DGKG: variants seen among roughly 807,000 people sequenced by gnomAD.
DGKG encodes the protein diacylglycerol kinase gamma.
A neutral mutation model predicts 105.3 loss-of-function variants in DGKG; 78 were observed. The observed-to-expected ratio is 0.74, with a 90% CI of 0.62 to 0.89. DGKG has a LOEUF of 0.89. Ranked by LOEUF, DGKG falls within the 40% of genes least tolerant of loss-of-function variation. The pLI is 0.00. For missense variants in DGKG, 958 were observed against 1,020.1 expected, an observed-to-expected ratio of 0.94 and a Z score of 0.83; for synonymous variants, 346 against 367.1, an observed-to-expected ratio of 0.94 and a Z score of 0.66.
intron 21 of DGKG, among the ~76,000 whole-genome samples, chr3:186,193,777 G>A (rs573660113): frequency 1.3e-5 from 2 of 152,314 alleles, no homozygotes; most frequent in South Asian, 4.1e-4. Flanking sequence ...GACGTCATCG[G>A]GCCCCCTCCC....
chr3:186,201,356 G>A (rs1392784109), intron 21 of DGKG, among the ~76,000 whole-genome samples: 2 of 152,046 alleles, frequency 1.3e-5, no homozygotes, highest in Non-Finnish European at 2.9e-5. Flanking sequence ...TCTGAGCCAT[G>A]AGAGAGGGCT....
At chr3:186,309,850 T>A (rs1223978935) in intron 2 of DGKG, among the ~76,000 whole-genome samples, 3 of 152,180 alleles carry the variant, frequency 2.0e-5, no homozygotes, top group Non-Finnish European at 4.4e-5. Flanking sequence ...TATTTAAATG[T>A]GTGATATATA....
At chr3:186,279,007 A>G (rs1223968431) in intron 9 of DGKG, 1 of 152,254 alleles carries the variant, frequency 6.6e-6, no homozygotes. Flanking sequence ...ATGAAGGTAT[A>G]TATAACAATC....
In DGKG at chr3:186,164,952, G is replaced by T; in HGVS notation, c.2162C>A (p.Thr721Asn). 6.2e-7 allele frequency: 1 copy of T among 1,613,944 alleles called. No homozygotes were observed. Residue 721 changes from threonine to asparagine, a missense_variant, in exon 23 of 25, where the codon ACC (threonine) becomes AAC (asparagine). Around this residue, in one of 2 missense-constraint regions of DGKG, gnomAD observed 315 missense variants for 400.6 expected, o/e 0.79. Transcript: ENST00000265022. ...EGAMEMGQIYTGLKSAGRRLA... is the reference protein window; with the variant it reads ...EGAMEMGQIYNGLKSAGRRLA... ...CCTCCTGCCTGCACTCTTCAGGCCG[G>T]TGTAGATCTGCCCCATCTCCATGGC...
chr3:186,288,418 G>A (rs573951892), intron 6 of DGKG, among the ~76,000 whole-genome samples: 67 of 152,220 alleles, frequency 4.4e-4, no homozygotes, highest in Non-Finnish European at 7.5e-4. Flanking sequence ...TGCCAGCAAA[G>A]CAAGGAAGTC....
chr3:186,251,885 T>C lies in DGKG; in HGVS notation c.1635A>G (p.Lys545=). Reference sequence around the variant, plus strand: ...TCACCAAGGGGCTCTGCTCAATGTCTTTCAGGATTTTTGTCAAGCTGCCCC... The same window carrying C: ...TCACCAAGGGGCTCTGCTCAATGTCCTTCAGGATTTTTGTCAAGCTGCCCC... ...YEGGSLTKIL[K]DIEQSPLVML... is the part of the protein sequence containing the mutation. The change falls in exon 19 of 25, where the codon AAA becomes AAG. Residue 545 remains lysine, a synonymous_variant. Coordinates refer to ENST00000265022, the MANE Select transcript of DGKG (RefSeq NM_001346.3). 1.3e-6 allele frequency: 2 copies of C among 1,596,636 alleles called. No individual in the cohort carries two copies. Among genetic ancestry groups the C allele is most frequent in the Non-Finnish European group, 1.7e-6 (2 of 1,169,962 alleles).
chr3:186,292,120 G>A (rs189553789), intron 5 of DGKG, among the ~76,000 whole-genome samples: 13 of 152,246 alleles, frequency 8.5e-5, no homozygotes, highest in Admixed American at 7.2e-4. Context: ...ACCCTCTTCC[G>A]GATCACAGAG....
chr3:186,156,220 G>T lies in DGKG; in HGVS notation c.2277+5383C>A, dbSNP rs551166514. The stretch of plus-strand genomic sequence containing the variant: ...AATTATGATCATCTATTTTTTTTCT[G>T]GTAGCTAAGAACATTTAATACTGTA... On this transcript the variant is annotated intron_variant, in intron 24 of 24. Coordinates refer to ENST00000265022, the MANE Select transcript of DGKG (RefSeq NM_001346.3). Among the ~76,000 whole-genome samples the T allele has an allele frequency of 2.3e-3, 342 of 151,796 alleles. 5 individuals carry two copies. The highest frequency in any genetic ancestry group is 0.014 in the South Asian group (68 of 4,806).
At chr3:186,242,194 G>C (rs572169399) in intron 20 of DGKG, among the ~76,000 whole-genome samples, 114 of 152,332 alleles carry the variant, frequency 7.5e-4, no homozygotes, top group African/African-American at 2.6e-3. Context: ...TCAGGACGGG[G>C]GTTCCAGTTA....
At chr3:186,326,506 C>T (rs1332453832) in intron 1 of DGKG, among the ~76,000 whole-genome samples, 2 of 151,948 alleles carry the variant, frequency 1.3e-5, no homozygotes, top group Non-Finnish European at 2.9e-5. Flanking sequence ...CTTACACCTC[C>T]AACTCCAGTC....
intron 6 of DGKG, among the ~76,000 whole-genome samples, chr3:186,287,794 C>T (rs559053145): frequency 1.8e-4 from 27 of 152,284 alleles, no homozygotes; most frequent in Admixed American, 4.6e-4. Context: ...TTGTTTTTGG[C>T]AAGAATTAGC....
At chr3:186,242,778 C>A in intron 19 of DGKG, 1 of 473,112 alleles carries the variant, frequency 2.1e-6, no homozygotes, top group South Asian at 3.8e-5. Context: ...ACTCTTACAG[C>A]CTATGCCAGT....
chr3:186,181,514 C>T (rs1056089011), intron 22 of DGKG, among the ~76,000 whole-genome samples: 3 of 152,184 alleles, frequency 2.0e-5, no homozygotes, highest in African/African-American at 7.2e-5. Flanking sequence ...GGGCGAATCA[C>T]CTGAGGTCAG....
chr3:186,152,950 C>G (rs981790044), intron 24 of DGKG, among the ~76,000 whole-genome samples: 1 of 142,856 alleles, frequency 7.0e-6, no homozygotes, highest in African/African-American at 2.6e-5. Context: ...GCACCAGCTG[C>G]CGCGCCCGGC....
intron 2 of DGKG, among the ~76,000 whole-genome samples, chr3:186,312,653 G>C (rs1288936933): frequency 6.6e-6 from 1 of 152,214 alleles, no homozygotes; most frequent in East Asian, 1.9e-4. Context: ...ATAAAATCTA[G>C]ATTTTCCTTC....
chr3:186,325,458 G>A (rs1257309339), intron 1 of DGKG, among the ~76,000 whole-genome samples: 4 of 152,096 alleles, frequency 2.6e-5, no homozygotes, highest in Non-Finnish European at 5.9e-5. Context: ...TTGTGCCACA[G>A]GTTTCTGAAC....
chr3:186,263,280 C>G (rs1204138301), intron 14 of DGKG, among the ~76,000 whole-genome samples: 3 of 151,880 alleles, frequency 2.0e-5, no homozygotes, highest in Non-Finnish European at 4.4e-5. Context: ...AAAACATGTA[C>G]TATTGGCTGG....
intron 22 of DGKG, among the ~76,000 whole-genome samples, chr3:186,179,734 G>A (rs1427212762): frequency 5.9e-5 from 9 of 152,186 alleles, no homozygotes; most frequent in Non-Finnish European, 1.0e-4. Flanking sequence ...AGAGGTCTGC[G>A]GAAACAGACC....
intron 1 of DGKG, among the ~76,000 whole-genome samples, chr3:186,323,315 G>A (rs1349937492): frequency 6.6e-6 from 1 of 152,170 alleles, no homozygotes; most frequent in Non-Finnish European, 1.5e-5. Context: ...CGCTGCTGCT[G>A]CTATCAATGA....
Sources: gnomAD v4.1 joint callset for allele counts (sites outside exome capture counted in the v4.1 genomes callset) on GRCh38, gnomAD v4.1.1 for gene constraint, gnomAD v4.1.1 regional missense constraint, MANE v1.5 for transcripts, NCBI Gene and HGNC (gene_info 2026-07-23, HGNC 2026-07-21) for gene names.